PRR35: variants seen among roughly 807,000 people sequenced by gnomAD.
The protein encoded by PRR35 is proline rich 35, also known as proline-rich protein 35.
PRR35 carries 14 observed loss-of-function variants against 18.6 expected under a neutral mutation model. The ratio of observed to expected loss-of-function variants is 0.75; its 90% CI spans 0.50 to 1.18. PRR35 has a LOEUF of 1.18. PRR35 is among the 50% of genes most tolerant of loss of function. PRR35 has a pLI of 0.00. For synonymous variants in PRR35, 425 were observed against 378.2 expected, an observed-to-expected ratio of 1.12 and a Z score of -1.43; for missense variants, 832 against 792.2, an observed-to-expected ratio of 1.05 and a Z score of -0.60.
Position 564,067 on chromosome 16 carries a change from C to A in PRR35, c.773C>A (p.Pro258His). 5 of 1,548,664 alleles carry A rather than the reference C, an allele frequency of 3.2e-6. No homozygotes were observed. The highest frequency in any genetic ancestry group is 4.3e-6 in the Non-Finnish European group (5 of 1,152,152). ...AFPAVQPPQR[P>H]TPAPRLYYPL... ...CCAGCCGTGCAGCCCCCTCAGCGCC[C>A]CACCCCGGCCCCCCGCCTGTACTAC... Residue 258 changes from proline (P) to histidine (H), a missense_variant, in exon 2 of 3, where the codon CCC becomes CAC. Around this residue, in one of 3 missense-constraint regions of PRR35, gnomAD observed 768 missense variants for 704.1 expected, o/e 1.09. Coordinates refer to ENST00000409413, the MANE Select transcript of PRR35 (RefSeq NM_145270.3).
upstream of PRR35, chr16:559,841 G>C (rs2035405598): frequency 1.2e-6 from 1 of 803,124 alleles, no homozygotes. Context: ...AAAAGAGAAC[G>C]GAGGGCAGGG....
At chr16:562,515 ACACAGGCGCACACACGTG>A (rs2035452469) in intron 1 of PRR35, among the ~76,000 whole-genome samples, 2 of 121,958 alleles carry the variant, frequency 1.6e-5, no homozygotes, top group South Asian at 2.4e-4. Context: ...GCACATGCAC[ACACAGGCGCACACACGTG>A]TGCACACACA....
rs539106104 is a variant in PRR35, at chr16:562,576, C to T, written c.-39-680C>T. 1.3e-4 allele frequency among the ~76,000 whole-genome samples: 19 copies of T among 141,214 alleles called. 1 individual carries two copies. The highest frequency in any genetic ancestry group is 6.9e-3 in the Middle Eastern group (2 of 288). 92.6% of individuals were successfully genotyped at this position (141,214 alleles called of 152,430 possible). ...GCACGCACACACACGTGCATGCACA[C>T]GCACACATGCACACACACAGACACA... is the stretch of plus-strand genomic sequence containing the variant. On this transcript the variant is annotated intron_variant, in intron 1 of 2. Transcript: ENST00000409413.
Position 564,817 on chromosome 16 carries a change from C to A in PRR35, c.1226C>A (p.Thr409Asn), listed in dbSNP as rs1365936380. Residue 409 changes from threonine to asparagine, a missense_variant, in exon 3 of 3, where the codon ACC becomes AAC. Transcript: ENST00000409413. ...GSPEHVGEDL[T>N]RALGDYARVE... ...CCGGAGCATGTGGGCGAGGACCTGA[C>A]CCGAGCCCTCGGTGACTACGCCAGG... 1 of 1,559,248 alleles carries A rather than the reference C, an allele frequency of 6.4e-7. No individual in the cohort carries two copies. The highest frequency in any genetic ancestry group is 8.6e-7 in the Non-Finnish European group (1 of 1,156,860).
At chr16:560,833 T>A (rs2142104642) in intron 1 of PRR35, 172 bp downstream of exon 1, 1 of 202,116 alleles carries the variant, frequency 4.9e-6, no homozygotes, top group Non-Finnish European at 8.2e-6. Flanking sequence ...AGGGCCGCCC[T>A]CAGGGGCCAG....
intron 1 of PRR35, among the ~76,000 whole-genome samples, chr16:562,415 C>G (rs567514364): frequency 6.6e-6 from 1 of 150,718 alleles, no homozygotes; most frequent in Non-Finnish European, 1.5e-5. Flanking sequence ...CCTTTAGACA[C>G]ACACGCATAC....
intron 1 of PRR35, among the ~76,000 whole-genome samples, chr16:561,348 G>A (rs945784365): frequency 3.9e-5 from 6 of 152,196 alleles, no homozygotes; most frequent in African/African-American, 1.4e-4. Flanking sequence ...TGTGGCATCG[G>A]CTGGCACAGC....
rs1490605690 is a variant in PRR35, at chr16:564,683, C to T, written c.1092C>T (p.Thr364=). The change falls in exon 3 of 3, where the codon ACC becomes ACT. Residue 364 remains threonine, a synonymous_variant. Transcript: ENST00000409413. The stretch of plus-strand genomic sequence containing the variant: ...AGCTTCCACCCCACAGCCTGCCCAC[C>T]GGCTCCTCTGTGATGCTGTGGCCTG... The part of the protein sequence containing the change: ...TRFCSRSSLP[T]GSSVMLWPED... 7 of 1,526,886 alleles carry T rather than the reference C, an allele frequency of 4.6e-6. No individual in the cohort carries two copies. The highest frequency in any genetic ancestry group is 3.6e-5 in the South Asian group (3 of 83,338). The allele number at this position is 1,526,886 out of a possible 1,614,324, so 94.6% of individuals were successfully genotyped here. A position where few individuals can be genotyped will look rare whatever the true frequency, so the allele number is the denominator to read the frequency against.
Position 565,262 on chromosome 16 carries a change from T to C in PRR35, c.1671T>C (p.Pro557=). 2 of 1,574,066 alleles carry C rather than the reference T, an allele frequency of 1.3e-6. No individual in the cohort carries two copies. The highest frequency in any genetic ancestry group is 1.7e-6 in the Non-Finnish European group (2 of 1,160,194). The part of the protein sequence containing the change: ...TCVATRSSQT[P]EAVCGLQSPQ... ...TTGCGACGAGGAGTTCCCAGACCCC[T>C]GAGGCTGTCTGTGGCCTGCAGAGCC... The change falls in exon 3 of 3, where the codon CCT becomes CCC. Residue 557 remains proline, a synonymous_variant. Transcript: ENST00000409413.
chr16:561,802 G>A (rs765375336), intron 1 of PRR35: 36 of 985,176 alleles, frequency 3.7e-5, no homozygotes, highest in African/African-American at 1.2e-4. Flanking sequence ...CCAGGTCTGC[G>A]TGTGTCCTGG....
At position 564,527 on chromosome 16, in the gene PRR35, C is replaced by T. The variant is rs571927525; in HGVS notation, c.1083-147C>T. 9.8e-4 allele frequency: 1,368 copies of T among 1,402,902 alleles called. 23 individuals carry two copies. In the South Asian group the frequency reaches 0.014, roughly 14 times the overall value. 86.9% of individuals were successfully genotyped at this position (1,402,902 alleles called of 1,614,324 possible). ...CAGGCCACAGAGGGGAACTGAGACC[C>T]GAGAGCCAGCGCGGGGGTCCTCGGG... On this transcript the variant is annotated intron_variant, in intron 2 of 2. Coordinates refer to ENST00000409413, the MANE Select transcript of PRR35 (RefSeq NM_145270.3).
rs150452956 is a variant in PRR35, at chr16:561,520, C to G, written c.-40+859C>G. On this transcript the variant is annotated intron_variant, in intron 1 of 2. Transcript: ENST00000409413. ...CCAGTCCAGGCCGGGTCTGCAGCCC[C>G]TCGGGGAGCCCCAGGACCTCTCCTG... Among the ~76,000 whole-genome samples the G allele has an allele frequency of 2.7e-3, 404 of 152,328 alleles. 5 individuals carry two copies. The South Asian group carries it at 0.028, about 11-fold the overall frequency.
chr16:565,266 G>T lies in PRR35; in HGVS notation c.1675G>T (p.Ala559Ser). ...GACGAGGAGTTCCCAGACCCCTGAG[G>T]CTGTCTGTGGCCTGCAGAGCCCCCA... is the stretch of plus-strand genomic sequence containing the variant. ...VATRSSQTPE[A>S]VCGLQSPQGA... Residue 559 changes from alanine (A) to serine (S), a missense_variant, in exon 3 of 3, where the codon GCT becomes TCT. By Grantham distance (99) the Ala-to-Ser change is moderately conservative. Around this residue, in one of 3 missense-constraint regions of PRR35, gnomAD observed 768 missense variants for 704.1 expected, o/e 1.09. Coordinates refer to ENST00000409413, the MANE Select transcript of PRR35 (RefSeq NM_145270.3). The T allele has an allele frequency of 6.4e-7, 1 of 1,569,456 alleles. No individual in the cohort carries two copies.
In PRR35 at chr16:563,394, C is replaced by A. The variant is rs771901646; in HGVS notation, c.100C>A (p.Pro34Thr). Residue 34 changes from proline (P) to threonine (T), a missense_variant, in exon 2 of 3, where the codon CCC becomes ACC. Coordinates refer to ENST00000409413, the MANE Select transcript of PRR35 (RefSeq NM_145270.3). ...PHYIPRPWGKPYNYKCFQCPF... is the reference protein window; with the variant it reads ...PHYIPRPWGKTYNYKCFQCPF... Reference sequence around the variant, plus strand: ...CTACATCCCGCGGCCCTGGGGCAAACCCTACAACTACAAATGCTTCCAGTG... The same window carrying A: ...CTACATCCCGCGGCCCTGGGGCAAAACCTACAACTACAAATGCTTCCAGTG... 1 of 1,612,434 alleles carries A rather than the reference C, an allele frequency of 6.2e-7. No individual in the cohort carries two copies. Among genetic ancestry groups the A allele is most frequent in the Non-Finnish European group, 8.5e-7 (1 of 1,179,688 alleles).
chr16:562,125 G>A (rs988705212), intron 1 of PRR35, among the ~76,000 whole-genome samples: 6 of 152,248 alleles, frequency 3.9e-5, no homozygotes, highest in African/African-American at 9.6e-5. Context: ...GTGCTGGGGC[G>A]GTGGACAGCC....
chr16:565,319 T>A lies in PRR35; in HGVS notation c.*12T>A. The A allele has an allele frequency of 6.8e-7, 1 of 1,473,172 alleles. No homozygotes were observed. Among genetic ancestry groups the A allele is most frequent in the Non-Finnish European group, 9.0e-7 (1 of 1,111,414 alleles). 91.3% of individuals were successfully genotyped at this position (1,473,172 alleles called of 1,614,324 possible). Reference sequence around the variant, plus strand: ...GCGCCGAGGTCTGACCTGCAGCGCCTGAGGTCTGACTGTCTCTGCCTGCAG... The same window carrying A: ...GCGCCGAGGTCTGACCTGCAGCGCCAGAGGTCTGACTGTCTCTGCCTGCAG... On this transcript the variant is annotated 3_prime_UTR_variant, in exon 3 of 3. Transcript: ENST00000409413.
chr16:562,596 GACAC>G (rs10581999), intron 1 of PRR35, among the ~76,000 whole-genome samples: 53,371 of 149,268 alleles, frequency 0.36, 10,061 homozygotes, highest in East Asian at 0.74. Context: ...CACACACACA[GACAC>G]ACACAGGCAC....
Position 565,301 on chromosome 16 carries a change from G to C in PRR35, c.1710G>C (p.Glu570Asp). The change falls in exon 3 of 3, where the codon GAG becomes GAC. Residue 570 changes from glutamate to aspartate, a missense_variant. Physicochemically the swap from Glu to Asp is conservative, Grantham distance 45. Transcript: ENST00000409413. ...VCGLQSPQGA[E>D]V ...GCCTGCAGAGCCCCCAGGGCGCCGAGGTCTGACCTGCAGCGCCTGAGGTCT... is the reference window on the plus strand; with the variant it reads ...GCCTGCAGAGCCCCCAGGGCGCCGACGTCTGACCTGCAGCGCCTGAGGTCT... 4 of 1,503,246 alleles carry C rather than the reference G, an allele frequency of 2.7e-6. No homozygotes were observed. Among genetic ancestry groups the C allele is most frequent in the Non-Finnish European group, 3.6e-6 (4 of 1,125,672 alleles). The allele number at this position is 1,503,246 out of a possible 1,614,324, so 93.1% of individuals were successfully genotyped here.
chr16:564,552 G>T, intron 2 of PRR35, 122 bp from the exon 3 acceptor site: 1 of 1,401,742 alleles, frequency 7.1e-7, no homozygotes, highest in Non-Finnish European at 9.4e-7. Flanking sequence ...GGGTCCTCGG[G>T]GTCTCCAGGA....
Sources: allele counts gnomAD v4.1 joint callset (sites outside exome capture counted in the v4.1 genomes callset), GRCh38; gene constraint gnomAD v4.1.1; regional missense constraint gnomAD v4.1.1; transcripts MANE v1.5; gene names NCBI Gene and HGNC (gene_info 2026-07-23, HGNC 2026-07-21).